Variants in WDHD1 observed in about 807,000 individuals in gnomAD.
WDHD1 encodes the protein WD repeat and HMG-box DNA-binding protein 1.
WDHD1 carries 111 observed loss-of-function variants against 135.4 expected under a neutral mutation model. The ratio of observed to expected loss-of-function variants is 0.82; its 90% CI spans 0.70 to 0.96. The LOEUF (loss-of-function observed/expected upper bound fraction) is 0.96. Ranked by LOEUF, WDHD1 falls within the 40% of genes least tolerant of loss-of-function variation. WDHD1 has a pLI of 0.00. For synonymous variants in WDHD1, 434 were observed against 439.0 expected (o/e 0.99, Z 0.14); for missense variants, 1,351 against 1,336.3 (o/e 1.01, Z -0.17).
chr14:55,017,505 G>C (rs900602941), intron 2 of WDHD1, among the ~76,000 whole-genome samples: 1 of 151,970 alleles, frequency 6.6e-6, no homozygotes, highest in African/African-American at 2.4e-5. Context: ...ACCCACACCT[G>C]GCTAAATTTC....
At chr14:54,980,323 CAA>C (rs933823746) in intron 16 of WDHD1, among the ~76,000 whole-genome samples, 5 of 124,972 alleles carry the variant, frequency 4.0e-5, no homozygotes, top group South Asian at 2.6e-4. Flanking sequence ...GACTCTGTCT[CAA>C]AAAAAAAAAA....
chr14:54,945,694 C>T (rs1056350214), intron 24 of WDHD1, among the ~76,000 whole-genome samples: 12 of 152,148 alleles, frequency 7.9e-5, no homozygotes, highest in Admixed American at 2.6e-4. Flanking sequence ...GTACGCGCCA[C>T]CACACCCAGC....
chr14:54,965,962 A>G (rs942430709), intron 18 of WDHD1, among the ~76,000 whole-genome samples: 1 of 151,638 alleles, frequency 6.6e-6, no homozygotes, highest in Non-Finnish European at 1.5e-5. Context: ...GCCTAAAAAA[A>G]AAAAAAGAAA....
At chr14:55,011,089 C>A (rs2042161074) in intron 3 of WDHD1, among the ~76,000 whole-genome samples, 1 of 152,192 alleles carries the variant, frequency 6.6e-6, no homozygotes, top group South Asian at 2.1e-4. Context: ...AGATAATTTT[C>A]TGTTGTTTTA....
At chr14:54,962,896 C>G (rs1344551615) in intron 19 of WDHD1, 43 bp from the exon 20 acceptor site, 1 of 1,610,978 alleles carries the variant, frequency 6.2e-7, no homozygotes, top group African/African-American at 1.3e-5. Flanking sequence ...TATGCAAAGA[C>G]CAACTTAACA....
At chr14:54,984,608 A>C in intron 15 of WDHD1, 115 bp downstream of exon 15, 2 of 906,096 alleles carry the variant, frequency 2.2e-6, no homozygotes, top group South Asian at 8.2e-5. Context: ...AAAATATAAA[A>C]TAGAGATAAT....
intron 3 of WDHD1, 138 bp downstream of exon 3, chr14:55,013,347 G>T: frequency 5.3e-6 from 3 of 567,554 alleles, no homozygotes; most frequent in Non-Finnish European, 8.9e-6. Context: ...GGCAAGTTAC[G>T]GCATTATCAT....
chr14:54,979,083 T>C (rs1199045424), intron 16 of WDHD1, among the ~76,000 whole-genome samples: 1 of 152,202 alleles, frequency 6.6e-6, no homozygotes, highest in Non-Finnish European at 1.5e-5. Flanking sequence ...TAGAGTCACC[T>C]AAGCTAAAAA....
rs71448422 is a variant in WDHD1, at chr14:55,013,194, C to CAAAAAAAA, written c.189+283_189+290dup. 1.1e-3 allele frequency among the ~76,000 whole-genome samples: 91 copies of CAAAAAAAA among 82,314 alleles called. 6 individuals carry two copies. The highest frequency in any genetic ancestry group is 4.5e-3 in the African/African-American group (87 of 19,326). The allele number at this position is 82,314 out of a possible 152,430, so 54.0% of individuals were successfully genotyped here. A position where few individuals can be genotyped will look rare whatever the true frequency, so the allele number is the denominator to read the frequency against. On this transcript the variant is annotated intron_variant, in intron 3 of 25. Coordinates refer to ENST00000360586, the MANE Select transcript of WDHD1 (RefSeq NM_007086.4). ...TGAGCAACATGGCAAGATCCCGTTTCAAAAAAAAAAAAAAAAAAAAAAAAT... is the reference window on the plus strand; with the variant it reads ...TGAGCAACATGGCAAGATCCCGTTTCAAAAAAAAAAAAAAAAAAAAAAAAAAAAAAAAT...
At chr14:54,949,466 GAAAC>G (rs1273357061) in intron 24 of WDHD1, among the ~76,000 whole-genome samples, 3 of 152,146 alleles carry the variant, frequency 2.0e-5, no homozygotes. Flanking sequence ...AGAGTAAAAA[GAAAC>G]AAACAAAGCC....
intron 18 of WDHD1, among the ~76,000 whole-genome samples, chr14:54,965,176 C>T (rs2041321231): frequency 6.6e-6 from 1 of 152,204 alleles, no homozygotes; most frequent in East Asian, 1.9e-4. Context: ...ATGTGTTAAG[C>T]CACCATGTCA....
intron 24 of WDHD1, among the ~76,000 whole-genome samples, chr14:54,946,332 G>C (rs749765010): frequency 6.6e-5 from 10 of 152,190 alleles, no homozygotes; most frequent in Non-Finnish European, 1.5e-4. Flanking sequence ...GACTACAAGA[G>C]TGCACAGCCA....
intron 2 of WDHD1, among the ~76,000 whole-genome samples, chr14:55,021,612 C>G (rs532066248): frequency 1.3e-5 from 2 of 152,334 alleles, no homozygotes; most frequent in South Asian, 4.1e-4. Context: ...TCTCAAACTC[C>G]TGACCTCAAG....
At chr14:55,010,525 T>C (rs569724445) in intron 3 of WDHD1, 65 bp from the exon 4 acceptor site, 10 of 1,326,984 alleles carry the variant, frequency 7.5e-6, no homozygotes, top group African/African-American at 3.0e-5. Flanking sequence ...AGTCTCTCCA[T>C]AGTTAAAAAT....
chr14:54,984,967 T>C (rs1216365532), intron 14 of WDHD1, 107 bp from the exon 15 acceptor site: 3 of 1,395,366 alleles, frequency 2.1e-6, no homozygotes, highest in African/African-American at 2.9e-5. Flanking sequence ...CTAGACTGAC[T>C]AGCACTACTT....
chr14:55,026,343 G>A (rs561234266), intron 2 of WDHD1, among the ~76,000 whole-genome samples: 37 of 152,180 alleles, frequency 2.4e-4, no homozygotes, highest in African/African-American at 8.7e-4. Context: ...AGCAAAAAGG[G>A]AAATAGCATC....
chr14:54,990,175 C>A (rs942201046), intron 12 of WDHD1, among the ~76,000 whole-genome samples: 3 of 152,196 alleles, frequency 2.0e-5, no homozygotes, highest in Admixed American at 1.3e-4. Flanking sequence ...TTAATCACCA[C>A]CCTTAATCTT....
intron 18 of WDHD1, among the ~76,000 whole-genome samples, chr14:54,965,952 G>A (rs1306385751): frequency 1.1e-4 from 15 of 141,242 alleles, no homozygotes; most frequent in Admixed American, 5.5e-4. Flanking sequence ...GCGAAACTCC[G>A]CCTAAAAAAA....
At chr14:55,011,223 A>G (rs958824557) in intron 3 of WDHD1, among the ~76,000 whole-genome samples, 4 of 152,166 alleles carry the variant, frequency 2.6e-5, no homozygotes, top group African/African-American at 9.7e-5. Flanking sequence ...CTGAACAGAA[A>G]AAAATGACAA....
Sources: gnomAD v4.1 joint callset for allele counts (sites outside exome capture counted in the v4.1 genomes callset) on GRCh38, gnomAD v4.1.1 for gene constraint, MANE v1.5 for transcripts, NCBI Gene and HGNC (gene_info 2026-07-23, HGNC 2026-07-21) for gene names.